The following ENTPD6 variants were observed in gnomAD, a reference collection of about 807,000 sequenced individuals.
ENTPD6 encodes ectonucleoside triphosphate diphosphohydrolase 6.
In ENTPD6, 46 loss-of-function variants were observed where a neutral mutation model predicts 61.5. That is an observed-to-expected ratio of 0.75 (90% CI 0.59 to 0.96). The LOEUF is 0.96. Ranked by LOEUF, ENTPD6 falls within the 40% of genes least tolerant of loss-of-function variation. The probability of loss-of-function intolerance (pLI) is 0.00; values close to 1 mark genes in which losing one functional copy is unlikely to be tolerated. For missense variants in ENTPD6, 612 were observed against 629.0 expected, an observed-to-expected ratio of 0.97 and a Z score of 0.29; for synonymous variants, 252 against 255.5, an observed-to-expected ratio of 0.99 and a Z score of 0.13.
At chr20:25,223,060 G>C (rs1289289849) in intron 12 of ENTPD6, 82 bp downstream of exon 12, 1 of 1,507,416 alleles carries the variant, frequency 6.6e-7, no homozygotes, top group African/African-American at 1.4e-5. Context: ...CCGAGGCAGA[G>C]GGCTGGTGGC....
intron 3 of ENTPD6, among the ~76,000 whole-genome samples, chr20:25,208,653 C>T (rs1476194113): frequency 1.3e-5 from 2 of 152,072 alleles, no homozygotes; most frequent in South Asian, 2.1e-4. Context: ...AGTATGCCTC[C>T]TTATTGTAAG....
At chr20:25,206,097 C>A (rs2091473784) in intron 1 of ENTPD6, among the ~76,000 whole-genome samples, 1 of 152,262 alleles carries the variant, frequency 6.6e-6, no homozygotes. Context: ...TCCCCACAGT[C>A]ACGAGGGGCT....
At chr20:25,223,971 G>A in intron 12 of ENTPD6, 130 bp from the exon 13 acceptor site, 1 of 765,734 alleles carries the variant, frequency 1.3e-6, no homozygotes, top group Non-Finnish European at 2.1e-6. Context: ...CCTACAGCTG[G>A]AGGGCCTGCC....
chr20:25,223,823 C>A, intron 12 of ENTPD6: 1 of 283,644 alleles, frequency 3.5e-6, no homozygotes, highest in Non-Finnish European at 6.5e-6. Flanking sequence ...TAAAATTTTA[C>A]TCAATTTGGG....
At chr20:25,215,900 GC>G (rs1189743854) in intron 7 of ENTPD6, among the ~76,000 whole-genome samples, 189 bp downstream of exon 7, 1 of 151,550 alleles carries the variant, frequency 6.6e-6, no homozygotes, top group African/African-American at 2.4e-5. Context: ...AGGTGTAGAT[GC>G]TAGGAGTGGG....
chr20:25,218,482 C>T, intron 9 of ENTPD6, 68 bp from the exon 10 acceptor site: 1 of 1,478,078 alleles, frequency 6.8e-7, no homozygotes, highest in Non-Finnish European at 9.2e-7. Context: ...GGCTGGGTCT[C>T]AGAGGTGAGC....
At chr20:25,197,299 C>T in intron 1 of ENTPD6, 1 of 931,462 alleles carries the variant, frequency 1.1e-6, no homozygotes. Context: ...CACTGCTCTA[C>T]CCTCAGATTC....
chr20:25,197,291 C>G (rs985312421), intron 1 of ENTPD6: 1 of 946,132 alleles, frequency 1.1e-6, no homozygotes, highest in Admixed American at 6.2e-5. Context: ...ACCAACAACA[C>G]TGCTCTACCC....
At chr20:25,217,470 C>A (rs1342815818) in intron 8 of ENTPD6, 32 bp from the exon 9 acceptor site, 1 of 1,597,530 alleles carries the variant, frequency 6.3e-7, no homozygotes, top group Non-Finnish European at 8.6e-7. Flanking sequence ...GAAAGACCAG[C>A]AGGAAACATA....
At chr20:25,200,660 G>C (rs1293657686) in intron 1 of ENTPD6, among the ~76,000 whole-genome samples, 3 of 152,060 alleles carry the variant, frequency 2.0e-5, no homozygotes, top group Admixed American at 6.5e-5. Context: ...CCAGATTACA[G>C]CTATTTGAGT....
intron 12 of ENTPD6, among the ~76,000 whole-genome samples, chr20:25,223,510 T>C (rs1380832240): frequency 6.6e-6 from 1 of 152,148 alleles, no homozygotes; most frequent in African/African-American, 2.4e-5. Flanking sequence ...ATCATCAGAA[T>C]GTATGGCCTG....
At chr20:25,221,575 C>A in intron 11 of ENTPD6, 1 of 542,038 alleles carries the variant, frequency 1.8e-6, no homozygotes, top group South Asian at 1.9e-5. Context: ...AAGCTTCCTC[C>A]TGAGGGCTGA....
At chr20:25,218,431 C>T in intron 9 of ENTPD6, 119 bp from the exon 10 acceptor site, 1 of 851,094 alleles carries the variant, frequency 1.2e-6, no homozygotes. Context: ...AGCAGAGAAG[C>T]TCACTAACTG....
At position 25,216,670 on chromosome 20, in the gene ENTPD6, G is replaced by A. The variant is rs755840196; in HGVS notation, c.732G>A (p.Gly244=). Residue 244 remains glycine, a synonymous_variant, in exon 8 of 15, where the codon GGG becomes GGA. Coordinates refer to ENST00000376652, the MANE Select transcript of ENTPD6 (RefSeq NM_001247.5). ...CAGGCAGCTTGAAAACTCCAGGAGG[G>A]AGCAGCGTGGGCATGCTGGACTTGG... ...FLTGSLKTPG[G]SSVGMLDLGG... The A allele has an allele frequency of 4.4e-6, 7 of 1,606,982 alleles. No individual in the cohort carries two copies. The highest frequency in any genetic ancestry group is 5.1e-6 in the Non-Finnish European group (6 of 1,177,344).
chr20:25,207,153 A>G lies in ENTPD6; in HGVS notation c.132A>G (p.Ala44=). ...NHGSLRVAKV[A]YPLGLCVGVF... ...GGAGCCTGCGGGTGGCGAAGGTGGC[A>G]TACCCCCTGGGGCTGTGTGTGGGCG... The change falls in exon 3 of 15, where the codon GCA becomes GCG. Residue 44 remains alanine, a synonymous_variant. Transcript: ENST00000376652. The G allele has an allele frequency of 6.2e-7, 1 of 1,613,946 alleles. No homozygotes were observed. Among genetic ancestry groups the G allele is most frequent in the Non-Finnish European group, 8.5e-7 (1 of 1,179,876 alleles).
At chr20:25,208,351 C>T (rs1249149482) in intron 3 of ENTPD6, among the ~76,000 whole-genome samples, 1 of 152,212 alleles carries the variant, frequency 6.6e-6, no homozygotes, top group Non-Finnish European at 1.5e-5. Context: ...GAGGCTAAGG[C>T]AGGAGAATCG....
At chr20:25,197,422 C>G (rs1288273979) in intron 1 of ENTPD6, among the ~76,000 whole-genome samples, 3 of 152,188 alleles carry the variant, frequency 2.0e-5, no homozygotes, top group African/African-American at 4.8e-5. Context: ...CAGTCCCCAC[C>G]CGCTACCTTC....
rs113254235 is a variant in ENTPD6 at position 25,220,098 on chromosome 20, A to G, written c.944-1134A>G. On this transcript the variant is annotated intron_variant, in intron 10 of 14. Transcript: ENST00000376652. Reference sequence around the variant, plus strand: ...TCTCATGGTCTCCTCGTCAGGCTGTACAAAGTGCCTGTTTTAGACATTTGG... The same window carrying G: ...TCTCATGGTCTCCTCGTCAGGCTGTGCAAAGTGCCTGTTTTAGACATTTGG... 9.1e-3 allele frequency among the ~76,000 whole-genome samples: 1,391 copies of G among 152,290 alleles called. 19 individuals carry two copies. Among genetic ancestry groups the G allele is most frequent in the African/African-American group, 0.032 (1,314 of 41,546 alleles).
In ENTPD6 at chr20:25,213,411, G is replaced by A; in HGVS notation, c.597+5G>A. 1 of 1,599,860 alleles carries A rather than the reference G, an allele frequency of 6.3e-7. No individual in the cohort carries two copies. The highest frequency in any genetic ancestry group is 2.2e-5 in the East Asian group (1 of 44,772). ...GCCCAGAAGTTACTGCAGAAGGTGA[G>A]CCTGGCCATTCCCCAGTGCCATTAG... On this transcript the variant is annotated splice_donor_5th_base_variant and intron_variant, in intron 5 of 14. Transcript: ENST00000376652.
Sources: gnomAD v4.1 joint callset for allele counts (sites outside exome capture counted in the v4.1 genomes callset) on GRCh38, gnomAD v4.1.1 for gene constraint, MANE v1.5 for transcripts, NCBI Gene and HGNC (gene_info 2026-07-23, HGNC 2026-07-21) for gene names.